SCAF8: variants seen among roughly 807,000 people sequenced by gnomAD.
SCAF8 encodes SR-related and CTD-associated factor 8.
SCAF8 carries 23 observed loss-of-function variants against 140.5 expected under a neutral mutation model. That is an observed-to-expected ratio of 0.16 (90% CI 0.12 to 0.23). The LOEUF (loss-of-function observed/expected upper bound fraction) is 0.23. SCAF8 is among the 10% of genes least tolerant of loss of function. The pLI is 1.00. For missense variants in SCAF8, 1,397 were observed against 1,555.7 expected (o/e 0.90, Z 1.72); for synonymous variants, 575 against 528.9 (o/e 1.09, Z -1.20).
Position 154,734,004 on chromosome 6 carries a change from G to T in SCAF8, c.30+74G>T, listed in dbSNP as rs561459255. 134 of 1,440,480 alleles carry T rather than the reference G, an allele frequency of 9.3e-5. No individual in the cohort carries two copies. In the African/African-American group the frequency reaches 1.9e-3, roughly 20 times the overall value. The allele number at this position is 1,440,480 out of a possible 1,614,324, so 89.2% of individuals were successfully genotyped here. On this transcript the variant is annotated intron_variant, in intron 1 of 19. Coordinates refer to ENST00000367178, the MANE Select transcript of SCAF8 (RefSeq NM_014892.5). ...CCCTGGTCGAGGCCGGGGCCCGGAG[G>T]GTGGGCGCGGGCCTGCGGGTTTTTT...
At chr6:154,741,805 T>TA (rs1195537424) in intron 1 of SCAF8, 9 of 552,468 alleles carry the variant, frequency 1.6e-5, no homozygotes, top group African/African-American at 5.7e-5. Context: ...TAAGGCCAGT[T>TA]ACGCTGTTTT....
At chr6:154,816,101 A>G (rs1015731934) in intron 13 of SCAF8, among the ~76,000 whole-genome samples, 2 of 152,176 alleles carry the variant, frequency 1.3e-5, no homozygotes, top group African/African-American at 4.8e-5. Flanking sequence ...CAGGAACCCT[A>G]TGTGTGGTCT....
chr6:154,779,840 CAT>C (rs1459828325), intron 3 of SCAF8, among the ~76,000 whole-genome samples: 5 of 151,216 alleles, frequency 3.3e-5, no homozygotes, highest in Admixed American at 6.6e-5. Flanking sequence ...TGTAGATTCA[CAT>C]GTCATTAAAT....
chr6:154,787,350 T>A, intron 3 of SCAF8, among the ~76,000 whole-genome samples: 1 of 152,116 alleles, frequency 6.6e-6, no homozygotes, highest in East Asian at 1.9e-4. Flanking sequence ...ATAGGATAGA[T>A]CCCCAGGATT....
chr6:154,752,290 C>G (rs545006981), intron 1 of SCAF8, among the ~76,000 whole-genome samples: 1 of 152,046 alleles, frequency 6.6e-6, no homozygotes, highest in Non-Finnish European at 1.5e-5. Context: ...ATAAGATGAC[C>G]TTTAGGATCC....
chr6:154,760,542 C>T (rs902222699), intron 1 of SCAF8, among the ~76,000 whole-genome samples: 1 of 151,962 alleles, frequency 6.6e-6, no homozygotes, highest in African/African-American at 2.4e-5. Flanking sequence ...CACTCTTCAC[C>T]ACATTATTGC....
At chr6:154,818,622 A>T in intron 14 of SCAF8, 30 bp downstream of exon 14, 1 of 1,122,784 alleles carries the variant, frequency 8.9e-7, no homozygotes, top group Non-Finnish European at 1.3e-6. Flanking sequence ...AACTTGGGGT[A>T]GGGGGGCAGT....
intron 1 of SCAF8, among the ~76,000 whole-genome samples, chr6:154,761,302 A>G (rs956625089): frequency 3.3e-5 from 5 of 152,200 alleles, no homozygotes; most frequent in African/African-American, 9.6e-5. Context: ...CCTGGGCAAC[A>G]TGGTGAAACC....
chr6:154,789,127 A>G (rs1336458908), intron 4 of SCAF8, among the ~76,000 whole-genome samples: 2 of 152,086 alleles, frequency 1.3e-5, no homozygotes, highest in Non-Finnish European at 2.9e-5. Context: ...TATTTTTTTG[A>G]GATGGAGTCT....
chr6:154,780,945 C>T (rs770388940), intron 3 of SCAF8, among the ~76,000 whole-genome samples: 5 of 152,026 alleles, frequency 3.3e-5, no homozygotes, highest in Admixed American at 1.3e-4. Flanking sequence ...GAGGAATTGC[C>T]ACACTGTCTT....
intron 4 of SCAF8, among the ~76,000 whole-genome samples, chr6:154,788,480 C>T (rs147513644): frequency 1.2e-3 from 178 of 152,240 alleles, no homozygotes; most frequent in African/African-American, 3.4e-3. Flanking sequence ...TTAATTATTA[C>T]GGTATCCATA....
intron 1 of SCAF8, among the ~76,000 whole-genome samples, chr6:154,755,276 C>A (rs973607624): frequency 3.3e-5 from 5 of 151,994 alleles, no homozygotes; most frequent in African/African-American, 1.2e-4. Flanking sequence ...TTTTTTTAGA[C>A]AGAGTCTTGC....
intron 12 of SCAF8, among the ~76,000 whole-genome samples, chr6:154,811,120 T>C (rs571521022): frequency 3.3e-5 from 5 of 152,338 alleles, no homozygotes; most frequent in Admixed American, 6.5e-5. Flanking sequence ...TGAGAGCTAG[T>C]GTCAACCTGA....
chr6:154,770,812 T>C (rs934451540), intron 1 of SCAF8, among the ~76,000 whole-genome samples: 5 of 152,148 alleles, frequency 3.3e-5, no homozygotes, highest in Non-Finnish European at 5.9e-5. Context: ...TGGCGTAATC[T>C]AGGCCCACCG....
At chr6:154,829,535 A>G (rs1250845735) in intron 18 of SCAF8, among the ~76,000 whole-genome samples, 1 of 152,212 alleles carries the variant, frequency 6.6e-6, no homozygotes, top group Non-Finnish European at 1.5e-5. Context: ...TATGTGATAT[A>G]TAAAGGTTTT....
chr6:154,765,134 C>A (rs1271937997), intron 1 of SCAF8, among the ~76,000 whole-genome samples: 1 of 152,100 alleles, frequency 6.6e-6, no homozygotes, highest in Non-Finnish European at 1.5e-5. Flanking sequence ...TCATCATATT[C>A]TTTTTCTAAA....
Position 154,733,611 on chromosome 6 carries a change from C to T in SCAF8, c.-290C>T, listed in dbSNP as rs1449604942. The T allele has an allele frequency of 4.0e-5, 52 of 1,290,974 alleles. No individual in the cohort carries two copies. The highest frequency in any genetic ancestry group is 5.0e-5 in the Non-Finnish European group (51 of 1,023,290). The allele number at this position is 1,290,974 out of a possible 1,614,324, so 80.0% of individuals were successfully genotyped here. A position where few individuals can be genotyped will look rare whatever the true frequency, so the allele number is the denominator to read the frequency against. On this transcript the variant is annotated 5_prime_UTR_variant, in exon 1 of 20. Transcript: ENST00000367178. Reference sequence around the variant, plus strand: ...GGAGCGGGGCAGAGAAGAGAAGGCGCCGCGGCCCAGCCCCTCCCCCGCCCG... The same window carrying T: ...GGAGCGGGGCAGAGAAGAGAAGGCGTCGCGGCCCAGCCCCTCCCCCGCCCG...
intron 18 of SCAF8, among the ~76,000 whole-genome samples, chr6:154,827,629 T>C (rs1200986332): frequency 1.3e-5 from 2 of 152,196 alleles, no homozygotes; most frequent in Admixed American, 6.5e-5. Context: ...GATTTGGTTT[T>C]TTGCTTCTTT....
intron 1 of SCAF8, among the ~76,000 whole-genome samples, chr6:154,765,285 T>C (rs1776530416): frequency 6.6e-6 from 1 of 152,152 alleles, no homozygotes; most frequent in East Asian, 1.9e-4. Context: ...GTTTGATGCT[T>C]GGGATTGAGT....
Sources: allele counts gnomAD v4.1 joint callset (sites outside exome capture counted in the v4.1 genomes callset), GRCh38; gene constraint gnomAD v4.1.1; transcripts MANE v1.5; gene names NCBI Gene and HGNC (gene_info 2026-07-23, HGNC 2026-07-21).